PCDHGA12: variants seen among roughly 807,000 people sequenced by gnomAD.
PCDHGA12 encodes the protein protocadherin gamma-A12.
Under a neutral mutation model 61.1 loss-of-function variants are expected in PCDHGA12, and 43 were observed. The observed-to-expected ratio is 0.70, with a 90% CI of 0.55 to 0.91. PCDHGA12 has a LOEUF of 0.91. PCDHGA12 is among the 40% of genes least tolerant of loss of function. The probability of loss-of-function intolerance (pLI) is 0.00; values close to 1 mark genes in which losing one functional copy is unlikely to be tolerated. For missense variants in PCDHGA12, 1,236 were observed against 1,227.7 expected (o/e 1.01, Z -0.10); for synonymous variants, 520 against 542.9 (o/e 0.96, Z 0.59).
intron 1 of PCDHGA12, among the ~76,000 whole-genome samples, chr5:141,468,782 C>T (rs1280972843): frequency 2.0e-5 from 3 of 151,990 alleles, no homozygotes; most frequent in East Asian, 3.9e-4. Context: ...AGGAGAATGG[C>T]GTGAACCCGG....
In PCDHGA12 at chr5:141,485,042, C is replaced by T; in HGVS notation, c.2425-9765C>T. ...CAGCAAAAACGGCGCGTAACCCTTGCGGCGCCGGCCGAACCGCGCCAGAGC... is the reference window on the plus strand; with the variant it reads ...CAGCAAAAACGGCGCGTAACCCTTGTGGCGCCGGCCGAACCGCGCCAGAGC... On this transcript the variant is annotated intron_variant, in intron 1 of 3. Coordinates refer to ENST00000252085, the MANE Select transcript of PCDHGA12 (RefSeq NM_003735.3). This position sits in a 1 kb window ranked among gnomAD's most constrained non-coding sequence, Gnocchi z 5.7. 1 of 724,054 alleles carries T rather than the reference C, an allele frequency of 1.4e-6. No individual in the cohort carries two copies. Among genetic ancestry groups the T allele is most frequent in the South Asian group, 1.8e-5 (1 of 56,650 alleles). 44.9% of individuals were successfully genotyped at this position (724,054 alleles called of 1,614,324 possible). A position where few individuals can be genotyped will look rare whatever the true frequency, so the allele number is the denominator to read the frequency against.
At position 141,469,759 on chromosome 5, in the gene PCDHGA12, T is replaced by C. The variant is rs192437401; in HGVS notation, c.2425-25048T>C. On this transcript the variant is annotated intron_variant, in intron 1 of 3. Coordinates refer to ENST00000252085, the MANE Select transcript of PCDHGA12 (RefSeq NM_003735.3). ...ACCTCAAAAATTACAAAAATACATATATACCAGCTTATTTATTACAGCGTT... is the reference window on the plus strand; with the variant it reads ...ACCTCAAAAATTACAAAAATACATACATACCAGCTTATTTATTACAGCGTT... 3.9e-3 allele frequency among the ~76,000 whole-genome samples: 591 copies of C among 152,310 alleles called. 6 individuals are homozygous for C. Among genetic ancestry groups the C allele is most frequent in the Admixed American group, 0.011 (171 of 15,298 alleles).
chr5:141,489,150 T>C lies in PCDHGA12; in HGVS notation c.2425-5657T>C. The C allele has an allele frequency of 1.7e-5, 15 of 862,654 alleles. No individual in the cohort carries two copies. Among genetic ancestry groups the C allele is most frequent in the Middle Eastern group, 2.5e-4 (1 of 4,044 alleles). 53.4% of individuals were successfully genotyped at this position (862,654 alleles called of 1,614,324 possible). On this transcript the variant is annotated intron_variant, in intron 1 of 3. Transcript: ENST00000252085. The surrounding 1 kb of genome is among the most constrained non-coding windows in gnomAD (Gnocchi z 4.5). ...GTTTTTAAGAGGCTGGAAGGAGACA[T>C]AAGAGACTTCAGCTGCTGCATTCCA...
chr5:141,495,386 G>C (rs2099760934), intron 2 of PCDHGA12, among the ~76,000 whole-genome samples: 1 of 152,214 alleles, frequency 6.6e-6, no homozygotes, highest in Non-Finnish European at 1.5e-5. Context: ...GGACTGGGCG[G>C]GGCATGGAGC....
At position 141,431,424 on chromosome 5, in the gene PCDHGA12, G is replaced by A; in HGVS notation, c.665G>A (p.Arg222His). The A allele has an allele frequency of 1.9e-6, 3 of 1,613,676 alleles. No individual in the cohort carries two copies. The highest frequency in any genetic ancestry group is 2.5e-6 in the Non-Finnish European group (3 of 1,180,028). Residue 222 changes from arginine (R) to histidine (H), a missense_variant, in exon 1 of 4, where the codon CGC (arginine) becomes CAC (histidine). Coordinates refer to ENST00000252085, the MANE Select transcript of PCDHGA12 (RefSeq NM_003735.3). The surrounding 1 kb of genome is among the most constrained non-coding windows in gnomAD (Gnocchi z 4.8). ...GCCTCCGACGGGGGCGACCCGGTGC[G>A]CACAGGCACCGCGCGCATCCGCGTG... is the stretch of plus-strand genomic sequence containing the variant. The part of the protein sequence containing the change: ...LTASDGGDPV[R>H]TGTARIRVMV...
rs371350905 is a variant in PCDHGA12 at position 141,476,860 on chromosome 5, G to A, written c.2425-17947G>A. The A allele has an allele frequency of 6.7e-5, 108 of 1,613,762 alleles. No individual in the cohort carries two copies. The highest frequency in any genetic ancestry group is 1.6e-4 in the East Asian group (7 of 44,884). ...ATGCGCCTGTCTTCAACCAGTCCTT[G>A]TACCGGGCGCGCGTCCTGGAGGATG... is the stretch of plus-strand genomic sequence containing the variant. On this transcript the variant is annotated intron_variant, in intron 1 of 3. Transcript: ENST00000252085. This position sits in a 1 kb window ranked among gnomAD's most constrained non-coding sequence, Gnocchi z 7.6.
chr5:141,492,723 C>T (rs896613323), intron 1 of PCDHGA12, among the ~76,000 whole-genome samples: 2 of 152,268 alleles, frequency 1.3e-5, no homozygotes, highest in African/African-American at 4.8e-5. Flanking sequence ...GGCGGACAGG[C>T]AGAGCTGCCC....
At chr5:141,456,204 C>A (rs867187371) in intron 1 of PCDHGA12, among the ~76,000 whole-genome samples, 17 of 152,222 alleles carry the variant, frequency 1.1e-4, no homozygotes, top group South Asian at 2.1e-4. Context: ...CTACCACATT[C>A]CTCCCTGTGG....
intron 1 of PCDHGA12, among the ~76,000 whole-genome samples, chr5:141,460,983 G>GTGTGTGTA (rs1554142949): frequency 2.2e-5 from 3 of 137,844 alleles, no homozygotes; most frequent in African/African-American, 7.7e-5. Flanking sequence ...GTGTGTGTGT[G>GTGTGTGTA]TATATATATA....
At chr5:141,453,370 G>A (rs969698165) in intron 1 of PCDHGA12, among the ~76,000 whole-genome samples, 1 of 152,046 alleles carries the variant, frequency 6.6e-6, no homozygotes, top group Non-Finnish European at 1.5e-5. Context: ...CTGGGGTCAA[G>A]TGATCCTCCT....
At chr5:141,500,450 C>A (rs2099800340) in intron 2 of PCDHGA12, among the ~76,000 whole-genome samples, 1 of 152,072 alleles carries the variant, frequency 6.6e-6, no homozygotes, top group Non-Finnish European at 1.5e-5. Flanking sequence ...ACCTCGTGAT[C>A]CGCCCGCCTC....
intron 1 of PCDHGA12, chr5:141,478,866 C>G: frequency 7.7e-7 from 1 of 1,304,352 alleles, no homozygotes; most frequent in East Asian, 2.5e-5. Context: ...TCTCAGCGAT[C>G]AGAGTTTAGC....
chr5:141,505,676 C>A (rs1308943385), intron 3 of PCDHGA12, among the ~76,000 whole-genome samples, 195 bp downstream of exon 3: 1 of 152,060 alleles, frequency 6.6e-6, no homozygotes, highest in South Asian at 2.1e-4. Context: ...GGTTGGGGGT[C>A]CTGGGATGCC....
rs1444244130 is a variant in PCDHGA12 at position 141,433,401 on chromosome 5, A to ATCTATCTC, written c.2424+223_2424+224insCTCTCTAT. The stretch of plus-strand genomic sequence containing the variant: ...TATCTATCTATCTATCTATCTATCT[A>ATCTATCTC]TCTATTACTTTCTTGTACAGACAGG... On this transcript the variant is annotated intron_variant, in intron 1 of 3. Transcript: ENST00000252085. Among the ~76,000 whole-genome samples, 100 of 150,598 alleles carry ATCTATCTC rather than the reference A, an allele frequency of 6.6e-4. 1 individual carries two copies. Among genetic ancestry groups the ATCTATCTC allele is most frequent in the African/African-American group, 2.4e-3 (100 of 40,958 alleles).
In PCDHGA12 at chr5:141,477,718, A is replaced by G; in HGVS notation, c.2425-17089A>G. 6.2e-7 allele frequency: 1 copy of G among 1,613,928 alleles called. No homozygotes were observed. The highest frequency in any genetic ancestry group is 8.5e-7 in the Non-Finnish European group (1 of 1,180,034). On this transcript the variant is annotated intron_variant, in intron 1 of 3. Coordinates refer to ENST00000252085, the MANE Select transcript of PCDHGA12 (RefSeq NM_003735.3). The surrounding 1 kb of genome is among the most constrained non-coding windows in gnomAD (Gnocchi z 4.9). ...ACTATGAGGATCGGCGGGAATTTGA[A>G]TTAACAGCTCATATCAGCGATGGGG...
At position 141,490,207 on chromosome 5, in the gene PCDHGA12, C is replaced by T. The variant is rs142098675; in HGVS notation, c.2425-4600C>T. On this transcript the variant is annotated intron_variant, in intron 1 of 3. Transcript: ENST00000252085. This position sits in a 1 kb window ranked among gnomAD's most constrained non-coding sequence, Gnocchi z 5.4. ...TTTCTATGAAATTCATGCAAGAGCC[C>T]GTGACCAGGGACAGCCTGCCATGGA... 41 of 1,614,056 alleles carry T rather than the reference C, an allele frequency of 2.5e-5. No homozygotes were observed. The highest frequency in any genetic ancestry group is 3.3e-4 in the Middle Eastern group (2 of 6,084).
chr5:141,463,874 G>T (rs1311566242), intron 1 of PCDHGA12, among the ~76,000 whole-genome samples: 1 of 152,136 alleles, frequency 6.6e-6, no homozygotes, highest in Non-Finnish European at 1.5e-5. Flanking sequence ...TGACTGAAAG[G>T]AAAAGTTTTC....
intron 1 of PCDHGA12, among the ~76,000 whole-genome samples, chr5:141,469,392 T>C (rs2099199760): frequency 6.6e-6 from 1 of 152,046 alleles, no homozygotes; most frequent in South Asian, 2.1e-4. Flanking sequence ...CTGGCCAACA[T>C]GGTGAAACCC....
intron 1 of PCDHGA12, among the ~76,000 whole-genome samples, chr5:141,474,010 C>G (rs989832548): frequency 1.3e-5 from 2 of 152,092 alleles, no homozygotes; most frequent in Admixed American, 1.3e-4. Flanking sequence ...CTGGAAGTTA[C>G]AGTGAGCTAT....
Sources: allele counts gnomAD v4.1 joint callset (sites outside exome capture counted in the v4.1 genomes callset), GRCh38; gene constraint gnomAD v4.1.1; non-coding constraint Gnocchi (gnomAD v3.1); transcripts MANE v1.5; gene names NCBI Gene and HGNC (gene_info 2026-07-23, HGNC 2026-07-21).